Variants in METTL15 observed in about 807,000 individuals in gnomAD.
The protein encoded by METTL15 is methyltransferase 15, mitochondrial 12S rRNA N4-cytidine, also known as 12S rRNA N(4)-cytidine methyltransferase METTL15.
In METTL15, 34 loss-of-function variants were observed where a neutral mutation model predicts 38.3. The ratio of observed to expected loss-of-function variants is 0.89; its 90% CI spans 0.68 to 1.18. The LOEUF is 1.18. Ranked by LOEUF, METTL15 falls within the 50% of genes most tolerant of loss-of-function variation. METTL15 has a pLI of 0.00. For missense variants in METTL15, 438 were observed against 498.4 expected, an observed-to-expected ratio of 0.88 and a Z score of 1.15; for synonymous variants, 162 against 170.9, an observed-to-expected ratio of 0.95 and a Z score of 0.41.
intron 6 of METTL15, among the ~76,000 whole-genome samples, chr11:28,455,216 CTTTTTTT>C (rs34686157): frequency 2.3e-5 from 2 of 85,834 alleles, no homozygotes; most frequent in South Asian, 4.2e-4. Context: ...GATCAGCTAG[CTTTTTTT>C]TTTTTTTTTT....
chr11:28,283,666 A>G (rs1856142322), intron 4 of METTL15, among the ~76,000 whole-genome samples: 1 of 152,162 alleles, frequency 6.6e-6, no homozygotes, highest in African/African-American at 2.4e-5. Context: ...AGGATTAACA[A>G]TACTTATTAC....
chr11:28,375,313 G>A (rs1850296138), intron 5 of METTL15, among the ~76,000 whole-genome samples: 1 of 150,304 alleles, frequency 6.7e-6, no homozygotes, highest in African/African-American at 2.5e-5. Flanking sequence ...TTTTTGGTTG[G>A]TAAGCTATTG....
chr11:28,341,222 T>G (rs910191418), intron 3 of METTL15, among the ~76,000 whole-genome samples: 2 of 152,142 alleles, frequency 1.3e-5, no homozygotes, highest in African/African-American at 4.8e-5. Flanking sequence ...CTATTGTAGA[T>G]GACTGGTTGA....
At chr11:28,451,034 C>T (rs1388156683) in intron 6 of METTL15, among the ~76,000 whole-genome samples, 1 of 152,204 alleles carries the variant, frequency 6.6e-6, no homozygotes, top group Non-Finnish European at 1.5e-5. Flanking sequence ...CTATGTTTGA[C>T]TCCAAAGGTC....
intron 5 of METTL15, among the ~76,000 whole-genome samples, chr11:28,406,866 C>A (rs1045151090): frequency 6.6e-6 from 1 of 152,116 alleles, no homozygotes; most frequent in Non-Finnish European, 1.5e-5. Flanking sequence ...CCCATCAATA[C>A]CTAACTTATT....
At chr11:28,262,205 T>G (rs962192355) in intron 4 of METTL15, among the ~76,000 whole-genome samples, 2 of 152,042 alleles carry the variant, frequency 1.3e-5, no homozygotes, top group African/African-American at 4.8e-5. Flanking sequence ...GAAAGTTTTC[T>G]GATTTTGAAT....
intron 3 of METTL15, among the ~76,000 whole-genome samples, chr11:28,137,483 C>G (rs1005325809): frequency 2.6e-5 from 4 of 152,164 alleles, no homozygotes; most frequent in Admixed American, 2.6e-4. Context: ...TAAAGGCTGG[C>G]AAGTTGTTTT....
At chr11:28,478,779 C>G (rs1851369137) in intron 6 of METTL15, among the ~76,000 whole-genome samples, 1 of 152,124 alleles carries the variant, frequency 6.6e-6, no homozygotes, top group Non-Finnish European at 1.5e-5. Flanking sequence ...TGCTATTTTA[C>G]AAATGATCTT....
Position 28,320,517 on chromosome 11 carries a change from G to A in METTL15, c.779-9879G>A, listed in dbSNP as rs560792069. Among the ~76,000 whole-genome samples the A allele has an allele frequency of 1.8e-3, 277 of 152,122 alleles. 2 individuals carry two copies. Among genetic ancestry groups the A allele is most frequent in the Non-Finnish European group, 1.8e-3 (122 of 67,988 alleles). On this transcript the variant is annotated intron_variant, in intron 6 of 6. Coordinates refer to ENST00000407364, the MANE Select transcript of METTL15 (RefSeq NM_001113528.2). ...AAGGCTGCAGTGTGAGCTATGTCAT[G>A]CCATTGCACTTCAGCTTGGGTGATA...
At chr11:28,422,716 A>G (rs532803821) in intron 5 of METTL15, among the ~76,000 whole-genome samples, 2 of 152,144 alleles carry the variant, frequency 1.3e-5, no homozygotes, top group East Asian at 3.9e-4. Flanking sequence ...TAAAAACTTA[A>G]ATCTAAGACC....
At chr11:28,245,647 A>G (rs1362898156) in intron 4 of METTL15, among the ~76,000 whole-genome samples, 3 of 152,188 alleles carry the variant, frequency 2.0e-5, no homozygotes, top group African/African-American at 7.2e-5. Flanking sequence ...CTATTAATAT[A>G]ACAAATACCT....
intron 4 of METTL15, among the ~76,000 whole-genome samples, chr11:28,275,386 C>A (rs1855803558): frequency 6.6e-6 from 1 of 151,742 alleles, no homozygotes; most frequent in Non-Finnish European, 1.5e-5. Flanking sequence ...GAGAAACATA[C>A]AACCTGAGAT....
chr11:28,416,526 A>ACATGTTGG (rs1317129938), intron 5 of METTL15, among the ~76,000 whole-genome samples: 4 of 152,224 alleles, frequency 2.6e-5, no homozygotes, highest in Admixed American at 2.6e-4. Context: ...GAAACCTCTA[A>ACATGTTGG]CATGTTGGGT....
intron 4 of METTL15, among the ~76,000 whole-genome samples, chr11:28,360,222 G>A (rs1465718303): frequency 6.6e-6 from 1 of 152,148 alleles, no homozygotes; most frequent in East Asian, 1.9e-4. Flanking sequence ...TCTCTTAAAA[G>A]TGCTTTCCCA....
chr11:28,170,771 C>G (rs1170737873), intron 3 of METTL15, among the ~76,000 whole-genome samples: 1 of 152,154 alleles, frequency 6.6e-6, no homozygotes, highest in Non-Finnish European at 1.5e-5. Flanking sequence ...GACCAGAGGT[C>G]ATTTTCATCG....
chr11:28,168,498 G>A (rs746944600), intron 3 of METTL15, among the ~76,000 whole-genome samples: 5 of 150,632 alleles, frequency 3.3e-5, no homozygotes, highest in Non-Finnish European at 7.4e-5. Flanking sequence ...TTAAGTTTTA[G>A]GGTACATGTG....
intron 4 of METTL15, among the ~76,000 whole-genome samples, chr11:28,264,041 C>G (rs1293734664): frequency 6.6e-6 from 1 of 152,114 alleles, no homozygotes; most frequent in Non-Finnish European, 1.5e-5. Context: ...TGTTTAACCA[C>G]ATAGAACCTT....
At chr11:28,126,345 G>C (rs1852485237) in intron 3 of METTL15, among the ~76,000 whole-genome samples, 1 of 151,722 alleles carries the variant, frequency 6.6e-6, no homozygotes, top group Non-Finnish European at 1.5e-5. Flanking sequence ...CTTCTTAACT[G>C]TCTGCCCCTT....
At chr11:28,238,022 T>C (rs1408401060) in intron 4 of METTL15, among the ~76,000 whole-genome samples, 3 of 152,084 alleles carry the variant, frequency 2.0e-5, no homozygotes, top group African/African-American at 7.2e-5. Context: ...TGCTGGAGGG[T>C]GCCTCCCAGT....
Sources: gnomAD v4.1 joint callset for allele counts (sites outside exome capture counted in the v4.1 genomes callset) on GRCh38, gnomAD v4.1.1 for gene constraint, MANE v1.5 for transcripts, NCBI Gene and HGNC (gene_info 2026-07-23, HGNC 2026-07-21) for gene names.